Variants in HRK observed in about 807,000 individuals in gnomAD.
The protein encoded by HRK is activator of apoptosis harakiri.
HRK carries 6 observed loss-of-function variants against 5.9 expected under a neutral mutation model. The observed-to-expected ratio is 1.02, with a 90% CI of 0.56 to 2.01. HRK has a LOEUF of 2.01. HRK is among the 30% of genes most tolerant of loss of function. The pLI, the probability that HRK is intolerant of heterozygous loss-of-function variation, is 0.00. For missense variants in HRK, 133 were observed against 128.3 expected (o/e 1.04, Z -0.18); for synonymous variants, 85 against 65.1 (o/e 1.31, Z -1.47).
intron 1 of HRK, among the ~76,000 whole-genome samples, chr12:116,868,890 C>T (rs1878641330): frequency 6.6e-6 from 1 of 151,750 alleles, no homozygotes; most frequent in African/African-American, 2.4e-5. Context: ...AGCAGATTAG[C>T]AACTGCCTTA....
chr12:116,870,941 CAG>C (rs1158087093), intron 1 of HRK, among the ~76,000 whole-genome samples: 1 of 152,176 alleles, frequency 6.6e-6, no homozygotes, highest in African/African-American at 2.4e-5. Context: ...GTATTTGAGA[CAG>C]AGTCTCGCTC....
chr12:116,876,264 A>G (rs1467797663), intron 1 of HRK, among the ~76,000 whole-genome samples: 1 of 152,194 alleles, frequency 6.6e-6, no homozygotes, highest in African/African-American at 2.4e-5. Flanking sequence ...TTCCTCCCCA[A>G]CAGCTGTCCT....
intron 1 of HRK, among the ~76,000 whole-genome samples, chr12:116,871,688 G>A (rs548194822): frequency 1.0e-4 from 15 of 150,322 alleles, no homozygotes; most frequent in African/African-American, 2.7e-4. Flanking sequence ...GTACAGTGGC[G>A]TGATCACAGC....
At position 116,881,253 on chromosome 12, in the gene HRK, T is replaced by A. The variant is rs1879145690; in HGVS notation, c.55A>T (p.Ser19Cys). ...GRGPPAVCAC[S>C]AGRLGLRSSA... is the part of the protein sequence containing the mutation. Reference sequence around the variant, plus strand: ...GAGCGCAGCCCCAGGCGACCCGCGCTGCAGGCGCACACGGCCGGGGGGCCG... The same window carrying A: ...GAGCGCAGCCCCAGGCGACCCGCGCAGCAGGCGCACACGGCCGGGGGGCCG... The change falls in exon 1 of 2, where the codon AGC becomes TGC. Residue 19 changes from serine (S) to cysteine (C), a missense_variant. Coordinates refer to ENST00000257572, the MANE Select transcript of HRK (RefSeq NM_003806.4). The A allele has an allele frequency of 9.1e-7, 1 of 1,093,110 alleles. No individual in the cohort carries two copies. Among genetic ancestry groups the A allele is most frequent in the Non-Finnish European group, 1.1e-6 (1 of 901,544 alleles). The allele number at this position is 1,093,110 out of a possible 1,614,324, so 67.7% of individuals were successfully genotyped here.
Position 116,879,188 on chromosome 12 carries a change from C to T in HRK, c.*56+1788G>A, listed in dbSNP as rs1016426134. 1.3e-5 allele frequency: 2 copies of T among 152,336 alleles called. No homozygotes were observed. The highest frequency in any genetic ancestry group is 4.8e-5 in the African/African-American group (2 of 41,478). The allele number at this position is 152,336 out of a possible 1,614,324, so 9.4% of individuals were successfully genotyped here. A position where few individuals can be genotyped will look rare whatever the true frequency, so the allele number is the denominator to read the frequency against. On this transcript the variant is annotated intron_variant, in intron 1 of 1. Coordinates refer to ENST00000257572, the MANE Select transcript of HRK (RefSeq NM_003806.4). The surrounding 1 kb of genome is among the most constrained non-coding windows in gnomAD (Gnocchi z 5.6). ...GGAAGGGGAGAGCGTTTCCAATCTC[C>T]TGGACGACAGAACCAGAGAAAGCCG...
intron 1 of HRK, among the ~76,000 whole-genome samples, chr12:116,866,543 A>G (rs16947094): frequency 0.038 from 5,736 of 152,240 alleles, 360 homozygotes; most frequent in African/African-American, 0.13. Flanking sequence ...AGACTGTGGA[A>G]AGGAAGCTGA....
At chr12:116,867,451 A>G (rs901019043) in intron 1 of HRK, among the ~76,000 whole-genome samples, 1 of 152,062 alleles carries the variant, frequency 6.6e-6, no homozygotes, top group Non-Finnish European at 1.5e-5. Context: ...GCCACAAAAA[A>G]TTTTTAATTA....
intron 1 of HRK, among the ~76,000 whole-genome samples, chr12:116,868,983 T>A (rs1287782053): frequency 7.2e-6 from 1 of 139,478 alleles, no homozygotes; most frequent in African/African-American, 2.5e-5. Flanking sequence ...TTTTTTTTTT[T>A]AAAGACAGGG....
chr12:116,877,628 T>A (rs1188772226), intron 1 of HRK, among the ~76,000 whole-genome samples: 1 of 152,162 alleles, frequency 6.6e-6, no homozygotes, highest in Admixed American at 6.5e-5. Flanking sequence ...TGATAGTAAA[T>A]GCACAATAAT....
intron 1 of HRK, among the ~76,000 whole-genome samples, chr12:116,864,267 A>C (rs1272033385): frequency 6.6e-6 from 1 of 152,204 alleles, no homozygotes; most frequent in African/African-American, 2.4e-5. Context: ...GTGGGATGGA[A>C]GGAGAGACAG....
chr12:116,880,283 C>G (rs1879096688), intron 1 of HRK, among the ~76,000 whole-genome samples: 1 of 152,250 alleles, frequency 6.6e-6, no homozygotes, highest in Admixed American at 6.5e-5. Context: ...CTTCCCGTAG[C>G]AGCTACAACC....
At chr12:116,864,256 G>C (rs549881999) in intron 1 of HRK, among the ~76,000 whole-genome samples, 1 of 152,294 alleles carries the variant, frequency 6.6e-6, no homozygotes, top group East Asian at 1.9e-4. Flanking sequence ...CTTAAGCACA[G>C]GTGGGATGGA....
At chr12:116,868,958 C>T (rs1429155102) in intron 1 of HRK, among the ~76,000 whole-genome samples, 1 of 131,500 alleles carries the variant, frequency 7.6e-6, no homozygotes, top group Admixed American at 9.1e-5. Context: ...ATGGACTAAA[C>T]TTCTTCTTCG....
At chr12:116,877,542 C>A (rs547627172) in intron 1 of HRK, among the ~76,000 whole-genome samples, 2 of 152,286 alleles carry the variant, frequency 1.3e-5, no homozygotes, top group Admixed American at 1.3e-4. Flanking sequence ...GCACTGACTT[C>A]CCGGGAGGGC....
chr12:116,879,875 A>G lies in HRK; in HGVS notation c.*56+1101T>C, dbSNP rs1353306376. 6.6e-6 allele frequency among the ~76,000 whole-genome samples: 1 copy of G among 152,076 alleles called. No homozygotes were observed. Among genetic ancestry groups the G allele is most frequent in the African/African-American group, 2.4e-5 (1 of 41,422 alleles). ...GGCGGGGACCTAAGGGCGGCTGGCT[A>G]TGTCACCTTCGAGCTTCACCTTCCG... On this transcript the variant is annotated intron_variant, in intron 1 of 1. Coordinates refer to ENST00000257572, the MANE Select transcript of HRK (RefSeq NM_003806.4). This position sits in a 1 kb window ranked among gnomAD's most constrained non-coding sequence, Gnocchi z 5.6.
At chr12:116,872,787 A>G (rs1878800949) in intron 1 of HRK, among the ~76,000 whole-genome samples, 1 of 148,998 alleles carries the variant, frequency 6.7e-6, no homozygotes, top group African/African-American at 2.5e-5. Context: ...AAAAACAAAG[A>G]GAGAGAGAGA....
At chr12:116,871,478 T>C (rs1231886500) in intron 1 of HRK, among the ~76,000 whole-genome samples, 1 of 151,422 alleles carries the variant, frequency 6.6e-6, no homozygotes, top group Non-Finnish European at 1.5e-5. Flanking sequence ...AATTTGTTTC[T>C]ATTTTTAGTA....
chr12:116,875,514 A>T (rs114628081), intron 1 of HRK, among the ~76,000 whole-genome samples: 1 of 152,210 alleles, frequency 6.6e-6, no homozygotes, highest in Non-Finnish European at 1.5e-5. Flanking sequence ...GGGAAACAAT[A>T]GTGACTATGT....
In HRK at chr12:116,878,405, C is replaced by T. The variant is rs1352533496; in HGVS notation, c.*56+2571G>A. The T allele has an allele frequency of 6.6e-6, 1 of 152,244 alleles. No individual in the cohort carries two copies. The highest frequency in any genetic ancestry group is 1.5e-5 in the Non-Finnish European group (1 of 68,084). 9.4% of individuals were successfully genotyped at this position (152,244 alleles called of 1,614,324 possible). A position where few individuals can be genotyped will look rare whatever the true frequency, so the allele number is the denominator to read the frequency against. On this transcript the variant is annotated intron_variant, in intron 1 of 1. Transcript: ENST00000257572. The surrounding 1 kb of genome is among the most constrained non-coding windows in gnomAD (Gnocchi z 4.4). Reference sequence around the variant, plus strand: ...AGAGCACCCCATATCCAGCATAGAACGCAACAGACTGTCTTCCTCCGGTGA... The same window carrying T: ...AGAGCACCCCATATCCAGCATAGAATGCAACAGACTGTCTTCCTCCGGTGA...
Sources: allele counts gnomAD v4.1 joint callset (sites outside exome capture counted in the v4.1 genomes callset), GRCh38; gene constraint gnomAD v4.1.1; non-coding constraint Gnocchi (gnomAD v3.1); transcripts MANE v1.5; gene names NCBI Gene and HGNC (gene_info 2026-07-23, HGNC 2026-07-21).